MYH13: variants seen among roughly 807,000 people sequenced by gnomAD.
MYH13 encodes myosin heavy chain 13.
A neutral mutation model predicts 232.1 loss-of-function variants in MYH13; 177 were observed. The ratio of observed to expected loss-of-function variants is 0.76; its 90% CI spans 0.67 to 0.86. MYH13 has a LOEUF of 0.86. Among genes scored for constraint, MYH13 ranks in the 40% least tolerant of loss-of-function variants. The probability of loss-of-function intolerance (pLI) is 0.00; values close to 1 mark genes in which losing one functional copy is unlikely to be tolerated. For synonymous variants in MYH13, 884 were observed against 923.5 expected, an observed-to-expected ratio of 0.96 and a Z score of 0.78; for missense variants, 2,246 against 2,405.9, an observed-to-expected ratio of 0.93 and a Z score of 1.39.
intron 8 of MYH13, among the ~76,000 whole-genome samples, chr17:10,357,441 T>A (rs574789764): frequency 1.7e-4 from 26 of 152,326 alleles, no homozygotes; most frequent in Admixed American, 1.6e-3. Flanking sequence ...GAGACCCATT[T>A]TAGCATAAAG....
chr17:10,357,603 G>A, intron 8 of MYH13, 132 bp downstream of exon 8: 1 of 732,038 alleles, frequency 1.4e-6, no homozygotes, highest in Non-Finnish European at 2.3e-6. Context: ...CAGGTGGGTA[G>A]ATTGATCTCA....
At chr17:10,359,883 G>T in intron 7 of MYH13, 77 bp downstream of exon 7, 1 of 1,318,656 alleles carries the variant, frequency 7.6e-7, no homozygotes, top group Non-Finnish European at 1.1e-6. Context: ...CGCATACCCT[G>T]CATACACTTG....
intron 27 of MYH13, among the ~76,000 whole-genome samples, chr17:10,318,123 T>C (rs557503819): frequency 7.0e-4 from 107 of 152,246 alleles, no homozygotes; most frequent in African/African-American, 2.5e-3. Context: ...GTGCCTGTAA[T>C]CCCAGCTACT....
In MYH13 at chr17:10,365,101, C is replaced by T. The variant is rs541727052; in HGVS notation, c.-12-559G>A. ...TGTTGGCCAGGCTGGTCTTGAACTC[C>T]TGACCTCAGGTAATCTGCCCGCCTT... On this transcript the variant is annotated intron_variant, in intron 2 of 40. Coordinates refer to ENST00000252172, the MANE Select transcript of MYH13 (RefSeq NM_003802.3). 5.9e-3 allele frequency among the ~76,000 whole-genome samples: 897 copies of T among 152,210 alleles called. 4 individuals are homozygous for T. The highest frequency in any genetic ancestry group is 9.3e-3 in the Non-Finnish European group (634 of 68,002).
In MYH13 at chr17:10,311,928, T is replaced by G; in HGVS notation, c.4514A>C (p.Glu1505Ala). The change falls in exon 32 of 41, where the codon GAG becomes GCG. Residue 1505 changes from glutamate to alanine, a missense_variant. By Grantham distance (107) the Glu-to-Ala change is moderately radical. Transcript: ENST00000252172. ...CAGCTCACCTTGCAGATTTTTGTTC[T>G]CTCGCCTCAGTGTCTCTAACTGGTC... ...VVDQLETLRRENKNLQEEISD... is the reference protein window; with the variant it reads ...VVDQLETLRRANKNLQEEISD... The G allele has an allele frequency of 6.2e-7, 1 of 1,613,962 alleles. No individual in the cohort carries two copies. Among genetic ancestry groups the G allele is most frequent in the Non-Finnish European group, 8.5e-7 (1 of 1,179,886 alleles).
chr17:10,320,331 G>A lies in MYH13; in HGVS notation c.3257+20C>T, dbSNP rs371693347. 32 of 1,610,610 alleles carry A rather than the reference G, an allele frequency of 2.0e-5. No homozygotes were observed. Among genetic ancestry groups the A allele is most frequent in the Non-Finnish European group, 2.6e-5 (31 of 1,178,270 alleles). On this transcript the variant is annotated intron_variant, in intron 25 of 40. Coordinates refer to ENST00000252172, the MANE Select transcript of MYH13 (RefSeq NM_003802.3). ...TTGGCTTTTAGGCTGAGACACAGAG[G>A]TGGTAAAAGAAATATCTACTTTTTC... is the stretch of plus-strand genomic sequence containing the variant.
Position 10,320,428 on chromosome 17 carries a change from T to C in MYH13, c.3180A>G (p.Glu1060=). 6.2e-7 allele frequency: 1 copy of C among 1,613,588 alleles called. No homozygotes were observed. ...ATTCCTGGGACATTTTCAGATCTCCTTCCAGCTTCCTCTTCGCCCTTTCCA... is the reference window on the plus strand; with the variant it reads ...ATTCCTGGGACATTTTCAGATCTCCCTCCAGCTTCCTCTTCGCCCTTTCCA... ...ADLERAKRKL[E]GDLKMSQESI... Residue 1060 remains glutamate, a synonymous_variant, in exon 25 of 41, where the codon GAA becomes GAG. Transcript: ENST00000252172.
chr17:10,352,610 C>A (rs969323001), intron 11 of MYH13, among the ~76,000 whole-genome samples: 1 of 151,522 alleles, frequency 6.6e-6, no homozygotes, highest in Non-Finnish European at 1.5e-5. Context: ...AAACAAAAAA[C>A]CAAAAAAAGG....
At chr17:10,319,638 A>C (rs1207150470) in intron 26 of MYH13, among the ~76,000 whole-genome samples, 1 of 152,252 alleles carries the variant, frequency 6.6e-6, no homozygotes, top group Non-Finnish European at 1.5e-5. Flanking sequence ...TCTATGGAGC[A>C]GGTAGACACA....
chr17:10,359,030 C>T (rs2071770690), intron 7 of MYH13, among the ~76,000 whole-genome samples: 1 of 152,214 alleles, frequency 6.6e-6, no homozygotes, highest in Admixed American at 6.5e-5. Context: ...CCATGTGATA[C>T]TGTGATGTAA....
chr17:10,362,211 C>G lies in MYH13; in HGVS notation c.412G>C (p.Glu138Gln), dbSNP rs753064696. The change falls in exon 5 of 41, where the codon GAG becomes CAG. Residue 138 changes from glutamate (E) to glutamine (Q), a missense_variant. By Grantham distance (29) the Glu-to-Gln change is conservative. Coordinates refer to ENST00000252172, the MANE Select transcript of MYH13 (RefSeq NM_003802.3). ...PYKWLPVYKPEVVAAYRGKKR... is the reference protein window; with the variant it reads ...PYKWLPVYKPQVVAAYRGKKR... ...TTGCCTCTGTAGGCAGCCACCACCTCGGGCTTGTACACCGGCAGCCACTTG... is the reference window on the plus strand; with the variant it reads ...TTGCCTCTGTAGGCAGCCACCACCTGGGGCTTGTACACCGGCAGCCACTTG... 6 of 1,613,854 alleles carry G rather than the reference C, an allele frequency of 3.7e-6. No individual in the cohort carries two copies. The highest frequency in any genetic ancestry group is 4.2e-6 in the Non-Finnish European group (5 of 1,179,798).
intron 15 of MYH13, 99 bp from the exon 16 acceptor site, chr17:10,344,208 C>T (rs1273324665): frequency 1.3e-6 from 2 of 1,499,698 alleles, no homozygotes; most frequent in Non-Finnish European, 1.8e-6. Context: ...CACTCTGGTA[C>T]CAGGAATGCT....
chr17:10,302,094 G>A (rs1398203152), intron 39 of MYH13, among the ~76,000 whole-genome samples: 1 of 152,202 alleles, frequency 6.6e-6, no homozygotes, highest in Non-Finnish European at 1.5e-5. Context: ...CTAAGGCCAG[G>A]CCACTGTACT....
At chr17:10,316,227 G>A (rs555280979) in intron 27 of MYH13, among the ~76,000 whole-genome samples, 2 of 152,312 alleles carry the variant, frequency 1.3e-5, no homozygotes, top group African/African-American at 2.4e-5. Context: ...TTGGGAGGCC[G>A]AGGAGGGTGG....
intron 21 of MYH13, 62 bp from the exon 22 acceptor site, chr17:10,328,183 C>T (rs1310351089): frequency 4.4e-6 from 7 of 1,574,146 alleles, no homozygotes; most frequent in Non-Finnish European, 6.0e-6. Context: ...GCACCCCCAA[C>T]CTGTCCCCGA....
chr17:10,351,574 A>G (rs1031677307), intron 11 of MYH13, among the ~76,000 whole-genome samples: 41 of 152,182 alleles, frequency 2.7e-4, no homozygotes, highest in African/African-American at 9.9e-4. Flanking sequence ...TTAAATCCCC[A>G]TGAAGCCCCT....
intron 11 of MYH13, among the ~76,000 whole-genome samples, chr17:10,352,505 C>T (rs1245147585): frequency 6.6e-6 from 1 of 151,960 alleles, no homozygotes; most frequent in Non-Finnish European, 1.5e-5. Flanking sequence ...CAGAGAATTG[C>T]TTGAACCTGG....
chr17:10,320,927 G>T (rs1906918203), intron 24 of MYH13, among the ~76,000 whole-genome samples: 1 of 152,196 alleles, frequency 6.6e-6, no homozygotes, highest in Non-Finnish European at 1.5e-5. Flanking sequence ...GTGTGTGTAT[G>T]TGTGTGCACA....
chr17:10,313,720 A>T (rs1322725458), intron 29 of MYH13, among the ~76,000 whole-genome samples: 1 of 152,228 alleles, frequency 6.6e-6, no homozygotes, highest in African/African-American at 2.4e-5. Flanking sequence ...TAATAGGGTA[A>T]ATAAGCAAAT....
Sources: allele counts gnomAD v4.1 joint callset (sites outside exome capture counted in the v4.1 genomes callset), GRCh38; gene constraint gnomAD v4.1.1; transcripts MANE v1.5; gene names NCBI Gene and HGNC (gene_info 2026-07-23, HGNC 2026-07-21).